Variants in GYS1 observed in about 807,000 individuals in gnomAD.
GYS1 encodes glycogen [starch] synthase, muscle.
A neutral mutation model predicts 89.1 loss-of-function variants in GYS1; 60 were observed. The observed-to-expected ratio is 0.67, with a 90% CI of 0.55 to 0.84. The LOEUF (loss-of-function observed/expected upper bound fraction) is 0.84, where lower values mean the gene tolerates loss of function less well. Among genes scored for constraint, GYS1 ranks in the 40% least tolerant of loss-of-function variants. GYS1 has a pLI of 0.00. For synonymous variants in GYS1, 366 were observed against 401.7 expected, an observed-to-expected ratio of 0.91 and a Z score of 1.06; for missense variants, 888 against 1,003.1, an observed-to-expected ratio of 0.89 and a Z score of 1.55.
intron 8 of GYS1, among the ~76,000 whole-genome samples, chr19:48,979,410 C>T (rs1346580406): frequency 4.0e-5 from 5 of 125,350 alleles, no homozygotes; most frequent in African/African-American, 1.5e-4. Flanking sequence ...CCCAGGATGG[C>T]GCAATCTCGG....
rs746981890 is a variant in GYS1 at position 48,981,631 on chromosome 19, G to A, written c.1068C>T (p.Asn356=). 301 of 1,603,274 alleles carry A rather than the reference G, an allele frequency of 1.9e-4. 1 individual carries two copies. The highest frequency in any genetic ancestry group is 2.3e-4 in the Non-Finnish European group (273 of 1,170,166). Reference sequence around the variant, plus strand: ...AGGCAACCACTGTCTGCTCGCTGCCGTTCACCTGCGCAGAAAGAAAGGAGG... The same window carrying A: ...AGGCAACCACTGTCTGCTCGCTGCCATTCACCTGCGCAGAAAGAAAGGAGG... ...LARLNYLLRV[N]GSEQTVVAFF... The change falls in exon 8 of 16, where the codon AAC becomes AAT. Residue 356 remains asparagine (N), a synonymous_variant. Transcript: ENST00000323798.
At chr19:48,976,378 G>GC (rs942262944) in intron 10 of GYS1, among the ~76,000 whole-genome samples, 7 of 152,024 alleles carry the variant, frequency 4.6e-5, no homozygotes, top group Non-Finnish European at 7.4e-5. Context: ...AAGCGTCAAT[G>GC]CCCCAGAAAG....
intron 8 of GYS1, among the ~76,000 whole-genome samples, chr19:48,980,385 G>C (rs1012898639): frequency 6.6e-6 from 1 of 152,144 alleles, no homozygotes; most frequent in Non-Finnish European, 1.5e-5. Flanking sequence ...TTATCTTTCT[G>C]GTTCACAGCT....
intron 12 of GYS1, 133 bp downstream of exon 12, chr19:48,974,080 G>C (rs902654173): frequency 1.1e-6 from 1 of 943,612 alleles, no homozygotes; most frequent in African/African-American, 1.6e-5. Flanking sequence ...CGCTGTAGCA[G>C]AACAGGTGAT....
At chr19:48,988,750 G>A (rs2038878390) in intron 2 of GYS1, among the ~76,000 whole-genome samples, 1 of 151,804 alleles carries the variant, frequency 6.6e-6, no homozygotes, top group Admixed American at 6.6e-5. Flanking sequence ...ACGTAGCTGG[G>A]ACCACAGGCA....
At chr19:48,979,331 CTTTTCTTTTTTTT>C (rs2038711315) in intron 8 of GYS1, among the ~76,000 whole-genome samples, 1 of 46,354 alleles carries the variant, frequency 2.2e-5, no homozygotes, top group Non-Finnish European at 4.6e-5. Flanking sequence ...TTTCTTTTTT[CTTTTCTTTTTTTT>C]TTTTTTTTTT....
chr19:48,970,159 G>A (rs1207779190), intron 14 of GYS1: 4 of 487,418 alleles, frequency 8.2e-6, no homozygotes, highest in African/African-American at 3.9e-5. Flanking sequence ...GTCTTGTTCT[G>A]TTACTCTAGG....
intron 8 of GYS1, 192 bp downstream of exon 8, chr19:48,981,338 A>T: frequency 1.7e-6 from 1 of 590,390 alleles, no homozygotes; most frequent in South Asian, 1.8e-5. Context: ...GCTTGAACCC[A>T]GGAGGTGGAG....
chr19:48,979,836 G>A (rs994028587), intron 8 of GYS1, among the ~76,000 whole-genome samples: 8 of 150,642 alleles, frequency 5.3e-5, no homozygotes, highest in Admixed American at 4.0e-4. Context: ...TAGGAAAGAC[G>A]GGGTTTCACC....
intron 2 of GYS1, among the ~76,000 whole-genome samples, chr19:48,988,773 T>C (rs2038878664): frequency 6.6e-6 from 1 of 151,676 alleles, no homozygotes; most frequent in Non-Finnish European, 1.5e-5. Flanking sequence ...AGGTATCACA[T>C]CCCGGCTAAT....
In GYS1 at chr19:48,993,230, G is replaced by A. The variant is rs964817976; in HGVS notation, c.-118C>T. 1.3e-6 allele frequency: 1 copy of A among 764,300 alleles called. No homozygotes were observed. Among genetic ancestry groups the A allele is most frequent in the African/African-American group, 1.7e-5 (1 of 59,150 alleles). 47.3% of individuals were successfully genotyped at this position (764,300 alleles called of 1,614,324 possible). ...CTGGTGCCCGACGGGAAGCTTGCAA[G>A]ACGCTCGGCTTCCTATTGCAAGACC... On this transcript the variant is annotated 5_prime_UTR_variant, in exon 1 of 16. Transcript: ENST00000323798.
intron 12 of GYS1, among the ~76,000 whole-genome samples, chr19:48,972,452 G>A (rs1368367257): frequency 6.6e-6 from 1 of 151,926 alleles, no homozygotes; most frequent in Non-Finnish European, 1.5e-5. Context: ...AGGATTATAG[G>A]TGTGAGCCAC....
chr19:48,982,953 C>T (rs1461765702), intron 5 of GYS1, 116 bp from the exon 6 acceptor site: 9 of 798,242 alleles, frequency 1.1e-5, no homozygotes, highest in Admixed American at 5.4e-5. Flanking sequence ...GTTTCAAGAG[C>T]GTTCCTATGA....
intron 2 of GYS1, among the ~76,000 whole-genome samples, chr19:48,988,046 C>T (rs1375558562): frequency 1.3e-5 from 2 of 152,202 alleles, no homozygotes; most frequent in Non-Finnish European, 2.9e-5. Context: ...TTGTGATCCG[C>T]CCGCCTCGGC....
In GYS1 at chr19:48,985,448, G is replaced by C. The variant is rs2038827719; in HGVS notation, c.823+13C>G. The C allele has an allele frequency of 6.2e-7, 1 of 1,612,660 alleles. No individual in the cohort carries two copies. The highest frequency in any genetic ancestry group is 8.5e-7 in the Non-Finnish European group (1 of 1,179,834). On this transcript the variant is annotated intron_variant, in intron 5 of 15. Coordinates refer to ENST00000323798, the MANE Select transcript of GYS1 (RefSeq NM_002103.5). ...ACCTCATTCACGTCTGGGGACTTCAGCCCAGCCCCTACCTGGTTTCCTCTT... is the reference window on the plus strand; with the variant it reads ...ACCTCATTCACGTCTGGGGACTTCACCCCAGCCCCTACCTGGTTTCCTCTT...
rs771342622 is a variant in GYS1, at chr19:48,968,321, G to T, written c.*967C>A. The T allele has an allele frequency of 4.4e-6, 2 of 454,406 alleles. No individual in the cohort carries two copies. The highest frequency in any genetic ancestry group is 8.8e-6 in the Non-Finnish European group (2 of 226,772). 28.1% of individuals were successfully genotyped at this position (454,406 alleles called of 1,614,324 possible). ...GGAAGAGCCTCGAGGTAAATGTGGG[G>T]GTTCTAGAACCCAGTGACCTCAGTT... On this transcript the variant is annotated 3_prime_UTR_variant, in exon 16 of 16. Coordinates refer to ENST00000323798, the MANE Select transcript of GYS1 (RefSeq NM_002103.5).
intron 3 of GYS1, among the ~76,000 whole-genome samples, chr19:48,986,926 C>T (rs1403975263): frequency 6.6e-6 from 1 of 152,240 alleles, no homozygotes; most frequent in Admixed American, 6.5e-5. Context: ...AGAACTACAA[C>T]TCCTAGAATT....
In GYS1 at chr19:48,993,295, G is replaced by T; in HGVS notation, c.-183C>A. 1.5e-6 allele frequency: 1 copy of T among 671,816 alleles called. No homozygotes were observed. Among genetic ancestry groups the T allele is most frequent in the East Asian group, 2.8e-5 (1 of 35,880 alleles). The allele number at this position is 671,816 out of a possible 1,614,324, so 41.6% of individuals were successfully genotyped here. A position where few individuals can be genotyped will look rare whatever the true frequency, so the allele number is the denominator to read the frequency against. ...AAGCGTTGGGACCTAGGCAGAAGGA[G>T]GCCGCAGCGTCACTGAGCCCACTGG... On this transcript the variant is annotated 5_prime_UTR_variant, in exon 1 of 16. Coordinates refer to ENST00000323798, the MANE Select transcript of GYS1 (RefSeq NM_002103.5).
At chr19:48,973,397 G>A (rs186515199) in intron 12 of GYS1, among the ~76,000 whole-genome samples, 19 of 151,952 alleles carry the variant, frequency 1.3e-4, no homozygotes, top group Admixed American at 4.6e-4. Flanking sequence ...CAAGGCCTAT[G>A]GAAAAAGGGA....
Sources: allele counts gnomAD v4.1 joint callset (sites outside exome capture counted in the v4.1 genomes callset), GRCh38; gene constraint gnomAD v4.1.1; transcripts MANE v1.5; gene names NCBI Gene and HGNC (gene_info 2026-07-23, HGNC 2026-07-21).